Variants in PCDHGA1 observed in about 807,000 individuals in gnomAD.
The protein encoded by PCDHGA1 is protocadherin gamma subfamily A, 1.
PCDHGA1 carries 32 observed loss-of-function variants against 58.0 expected under a neutral mutation model. The observed-to-expected ratio is 0.55, with a 90% CI of 0.42 to 0.74. The LOEUF is 0.74. PCDHGA1 is among the 30% of genes least tolerant of loss of function. The pLI is 0.00. For synonymous variants in PCDHGA1, 498 were observed against 501.1 expected (o/e 0.99, Z 0.08); for missense variants, 1,205 against 1,182.3 (o/e 1.02, Z -0.28).
chr5:141,393,865 C>G lies in PCDHGA1; in HGVS notation c.2421+60760C>G, dbSNP rs770874961. The G allele has an allele frequency of 4.3e-6, 7 of 1,613,838 alleles. No individual in the cohort carries two copies. In the African/African-American group the frequency reaches 8.0e-5, roughly 18 times the overall value. ...AATAGACCAGAAGTGATCATTACGT[C>G]TTTGTTTAGCCCAGTGTTAGAAAAT... On this transcript the variant is annotated intron_variant, in intron 1 of 3. Transcript: ENST00000517417.
rs747179611 is a variant in PCDHGA1 at position 141,476,473 on chromosome 5, C to T, written c.2422-18334C>T. ...TAGTGGAGAACCCGCTGGAGCTGTT[C>T]AGCGTGGAAGTGGTGATCCAGGACA... On this transcript the variant is annotated intron_variant, in intron 1 of 3. Coordinates refer to ENST00000517417, the MANE Select transcript of PCDHGA1 (RefSeq NM_018912.3). The surrounding 1 kb of genome is among the most constrained non-coding windows in gnomAD (Gnocchi z 7.6). 3.1e-6 allele frequency: 5 copies of T among 1,613,888 alleles called. No homozygotes were observed. The highest frequency in any genetic ancestry group is 3.3e-5 in the Admixed American group (2 of 59,984).
At position 141,347,070 on chromosome 5, in the gene PCDHGA1, CCT is replaced by C. The variant is rs1318040353; in HGVS notation, c.2421+13974_2421+13975del. On this transcript the variant is annotated intron_variant, in intron 1 of 3. Coordinates refer to ENST00000517417, the MANE Select transcript of PCDHGA1 (RefSeq NM_018912.3). ...CTCTTTCCTCCTTCCTTCCTTCCTT[CCT>C]CTCTCTCTTTCCTCCTTCCTTCCTT... is the stretch of plus-strand genomic sequence containing the variant. Among the ~76,000 whole-genome samples, 5 of 144,048 alleles carry C rather than the reference CCT, an allele frequency of 3.5e-5. No individual in the cohort carries two copies. In the South Asian group the frequency reaches 9.0e-4, roughly 26 times the overall value. The allele number at this position is 144,048 out of a possible 152,430, so 94.5% of individuals were successfully genotyped here. A position where few individuals can be genotyped will look rare whatever the true frequency, so the allele number is the denominator to read the frequency against.
chr5:141,382,939 T>C (rs765145573), intron 1 of PCDHGA1: 3 of 1,594,910 alleles, frequency 1.9e-6, no homozygotes, highest in South Asian at 2.2e-5. Context: ...CAGAGGATTC[T>C]TCCTGCTCTC....
At chr5:141,494,714 C>G in intron 1 of PCDHGA1, 93 bp from the exon 2 acceptor site, 2 of 1,603,958 alleles carry the variant, frequency 1.2e-6, no homozygotes, top group East Asian at 4.5e-5. Context: ...TGTGCCCACT[C>G]CCCTCCTTCT....
chr5:141,365,943 G>C (rs759969199), intron 1 of PCDHGA1: 3 of 1,614,204 alleles, frequency 1.9e-6, no homozygotes, highest in Non-Finnish European at 2.5e-6. Context: ...AGCGACAGTG[G>C]GAACCCTCCA....
intron 1 of PCDHGA1, chr5:141,414,168 T>C: frequency 6.2e-7 from 1 of 1,605,598 alleles, no homozygotes; most frequent in Non-Finnish European, 8.5e-7. Context: ...GAGGAGCATA[T>C]CTTGCAACTG....
At chr5:141,365,533 C>T (rs772815348) in intron 1 of PCDHGA1, 21 of 1,613,642 alleles carry the variant, frequency 1.3e-5, no homozygotes, top group Non-Finnish European at 1.8e-5. Flanking sequence ...TTGATAATTA[C>T]TATCACCTAT....
intron 1 of PCDHGA1, chr5:141,417,547 G>C (rs756455730): frequency 9.7e-5 from 31 of 318,264 alleles, no homozygotes; most frequent in Non-Finnish European, 1.5e-4. Flanking sequence ...AAAATTCCTT[G>C]AAAGAGGTAG....
At chr5:141,335,187 C>T (rs1756553933) in intron 1 of PCDHGA1, among the ~76,000 whole-genome samples, 1 of 152,156 alleles carries the variant, frequency 6.6e-6, no homozygotes, top group Non-Finnish European at 1.5e-5. Context: ...TCTGGACTTT[C>T]TCAGCTCTTA....
At chr5:141,441,827 A>G (rs1344314632) in intron 1 of PCDHGA1, 1 of 355,628 alleles carries the variant, frequency 2.8e-6, no homozygotes, top group Non-Finnish European at 5.6e-6. Flanking sequence ...CTGGAGCGCA[A>G]TGGCTTCGCG....
chr5:141,388,391 T>C, intron 1 of PCDHGA1: 2 of 1,613,964 alleles, frequency 1.2e-6, no homozygotes, highest in Non-Finnish European at 1.7e-6. Flanking sequence ...CACTGCAGAA[T>C]TACCAACTCA....
intron 1 of PCDHGA1, among the ~76,000 whole-genome samples, chr5:141,353,538 A>G (rs781518316): frequency 2.3e-4 from 35 of 152,310 alleles, no homozygotes; most frequent in Non-Finnish European, 4.0e-4. Context: ...TTGCATCACT[A>G]ACTTTGAGTC....
At chr5:141,504,991 G>A (rs896449285) in intron 2 of PCDHGA1, among the ~76,000 whole-genome samples, 44 of 152,034 alleles carry the variant, frequency 2.9e-4, no homozygotes, top group Admixed American at 2.6e-3. Context: ...GTGAAACCCC[G>A]TCTGTACTAA....
At chr5:141,427,352 G>A (rs982774903) in intron 1 of PCDHGA1, 3 of 457,474 alleles carry the variant, frequency 6.6e-6, no homozygotes, top group African/African-American at 6.0e-5. Flanking sequence ...CTGTAACTGA[G>A]GACGCAGAAC....
At chr5:141,378,996 A>G (rs1477172762) in intron 1 of PCDHGA1, 1 of 152,260 alleles carries the variant, frequency 6.6e-6, no homozygotes, top group Non-Finnish European at 1.5e-5. Context: ...CATTATAGTC[A>G]AGATTTTTCT....
chr5:141,357,216 G>C, intron 1 of PCDHGA1: 1 of 1,613,840 alleles, frequency 6.2e-7, no homozygotes, highest in Non-Finnish European at 8.5e-7. Flanking sequence ...CAGATGTCCT[G>C]GCTGACTTGG....
chr5:141,385,665 A>G (rs2090316911), intron 1 of PCDHGA1: 1 of 462,016 alleles, frequency 2.2e-6, no homozygotes, highest in Admixed American at 5.1e-5. Flanking sequence ...AGCAGGAATA[A>G]AACACACCTC....
At chr5:141,423,837 A>G (rs73792199) in intron 1 of PCDHGA1, 16,285 of 1,277,458 alleles carry the variant, frequency 0.013, 610 homozygotes, top group African/African-American at 0.098. Context: ...TGAGATTACG[A>G]TAATCTTTCA....
chr5:141,377,683 T>C (rs1160424297), intron 1 of PCDHGA1: 1 of 152,192 alleles, frequency 6.6e-6, no homozygotes, highest in Non-Finnish European at 1.5e-5. Context: ...AAGAGATCTT[T>C]CACCTTTACT....
Sources: allele counts gnomAD v4.1 joint callset (sites outside exome capture counted in the v4.1 genomes callset), GRCh38; gene constraint gnomAD v4.1.1; non-coding constraint Gnocchi (gnomAD v3.1); transcripts MANE v1.5; gene names NCBI Gene and HGNC (gene_info 2026-07-23, HGNC 2026-07-21).